The following ACO2 variants were observed in gnomAD, a reference collection of about 807,000 sequenced individuals.
ACO2 encodes the protein aconitate hydratase, mitochondrial.
Under a neutral mutation model 84.5 loss-of-function variants are expected in ACO2, and 31 were observed. The observed-to-expected ratio is 0.37, with a 90% confidence interval of 0.28 to 0.50. ACO2 has a LOEUF of 0.50. Among genes scored for constraint, ACO2 ranks in the 20% least tolerant of loss-of-function variants. The pLI, the probability that ACO2 is intolerant of heterozygous loss-of-function variation, is 0.97. For missense variants in ACO2, 685 were observed against 1,029.3 expected, an observed-to-expected ratio of 0.67 and a Z score of 4.58; for synonymous variants, 414 against 412.7, an observed-to-expected ratio of 1.00 and a Z score of -0.04.
Position 41,527,903 on chromosome 22 carries a change from A to G in ACO2, c.2089A>G (p.Thr697Ala). 1 of 1,614,054 alleles carries G rather than the reference A, an allele frequency of 6.2e-7. No individual in the cohort carries two copies. Among genetic ancestry groups the G allele is most frequent in the East Asian group, 2.2e-5 (1 of 44,876 alleles). ...ITKSFARIHE[T>A]NLKKQGLLPL... ...ACCGAATGCCGCCTGCTTTCCAGAG[A>G]CCAACCTGAAGAAACAGGGCCTGCT... The change falls in exon 17 of 18, where the codon ACC (threonine) becomes GCC (alanine). Residue 697 changes from threonine to alanine, a missense_variant and splice_region_variant. This residue lies in a region of ACO2 where 174 missense variants were observed against 236.6 expected (regional missense o/e 0.74). Coordinates refer to ENST00000216254, the MANE Select transcript of ACO2 (RefSeq NM_001098.3).
At chr22:41,524,513 G>C (rs146530676) in intron 12 of ACO2, among the ~76,000 whole-genome samples, 1 of 152,310 alleles carries the variant, frequency 6.6e-6, no homozygotes, top group Non-Finnish European at 1.5e-5. Context: ...AGTGTCCTGC[G>C]CACTGAGCAG....
At chr22:41,499,617 A>G in intron 1 of ACO2, 109 bp from the exon 2 acceptor site, 1 of 1,225,912 alleles carries the variant, frequency 8.2e-7, no homozygotes, top group Non-Finnish European at 1.1e-6. Flanking sequence ...GTTACTGAAC[A>G]GCTCTTGACA....
At chr22:41,527,136 T>C in intron 15 of ACO2, 152 bp from the exon 16 acceptor site, 3 of 1,154,146 alleles carry the variant, frequency 2.6e-6, no homozygotes, top group South Asian at 2.9e-5. Flanking sequence ...CACTTGCCCT[T>C]AGGCAGCAGG....
Position 41,528,515 on chromosome 22 carries a change from C to T in ACO2, c.2245C>T (p.Gln749Ter). ...CATCATCAAGCACCCCAACGGGACC[C>T]AGGAGACCATCCTCCTGAACCACAC... The part of the protein sequence containing the change: ...KCIIKHPNGT[Q>*]ETILLNHTFN... Residue 749 changes from glutamine (Q) to a stop codon, truncating the protein, a stop_gained, in exon 18 of 18, where the codon CAG (glutamine) becomes TAG (stop). Coordinates refer to ENST00000216254, the MANE Select transcript of ACO2 (RefSeq NM_001098.3). LOFTEE classifies it high-confidence loss of function. 1 of 1,612,782 alleles carries T rather than the reference C, an allele frequency of 6.2e-7. No homozygotes were observed.
At chr22:41,472,326 C>G (rs545636073) in intron 1 of ACO2, among the ~76,000 whole-genome samples, 23 of 150,144 alleles carry the variant, frequency 1.5e-4, no homozygotes, top group African/African-American at 5.7e-4. Context: ...GCACTACAGC[C>G]TGGGTGACAG....
At chr22:41,527,093 G>T in intron 15 of ACO2, 195 bp from the exon 16 acceptor site, 1 of 739,236 alleles carries the variant, frequency 1.4e-6, no homozygotes, top group Non-Finnish European at 2.2e-6. Flanking sequence ...CTGTCCCCTC[G>T]GGGCCTCGTT....
In ACO2 at chr22:41,523,910, C is replaced by G. The variant is rs752989253; in HGVS notation, c.1451C>G (p.Pro484Arg). The G allele has an allele frequency of 6.2e-7, 1 of 1,613,012 alleles. No homozygotes were observed. The highest frequency in any genetic ancestry group is 1.1e-5 in the South Asian group (1 of 91,016). Residue 484 changes from proline (P) to arginine (R), a missense_variant, in exon 12 of 18, where the codon CCC (proline) becomes CGC (arginine). Around this residue, in one of 5 missense-constraint regions of ACO2, gnomAD observed 311 missense variants for 441.6 expected, o/e 0.70. Coordinates refer to ENST00000216254, the MANE Select transcript of ACO2 (RefSeq NM_001098.3). ...RNFTGRNDAN[P>R]ETHAFVTSPE... Reference sequence around the variant, plus strand: ...TTCACGGGCCGCAACGACGCAAACCCCGAGACCCATGCCTTTGTCACGTCC... The same window carrying G: ...TTCACGGGCCGCAACGACGCAAACCGCGAGACCCATGCCTTTGTCACGTCC...
chr22:41,516,037 T>C (rs1251015645), intron 6 of ACO2, 120 bp downstream of exon 6: 1 of 1,360,084 alleles, frequency 7.4e-7, no homozygotes, highest in East Asian at 2.5e-5. Context: ...ATTTGGGGAC[T>C]TGGGATAGAC....
intron 2 of ACO2, among the ~76,000 whole-genome samples, chr22:41,507,363 C>T (rs545860571): frequency 6.6e-6 from 1 of 152,246 alleles, no homozygotes; most frequent in African/African-American, 2.4e-5. Flanking sequence ...CGAAATCTAG[C>T]TGTGAACTTG....
At chr22:41,516,267 G>A (rs1260610831) in intron 6 of ACO2, 32 of 553,472 alleles carry the variant, frequency 5.8e-5, no homozygotes, top group Non-Finnish European at 1.6e-5. Flanking sequence ...CAGAGGCAGT[G>A]GTGGGAATGG....
chr22:41,516,059 G>A, intron 6 of ACO2, 142 bp downstream of exon 6: 1 of 1,027,734 alleles, frequency 9.7e-7, no homozygotes, highest in Non-Finnish European at 1.5e-6. Flanking sequence ...GAGGTAGAAG[G>A]AAAATTGGAG....
rs900719885 is a variant in ACO2 at position 41,528,338 on chromosome 22, T to C, written c.2209-141T>C. 32 of 1,242,990 alleles carry C rather than the reference T, an allele frequency of 2.6e-5. No individual in the cohort carries two copies. The African/African-American group carries it at 4.4e-4, about 17-fold the overall frequency. The allele number at this position is 1,242,990 out of a possible 1,614,324, so 77.0% of individuals were successfully genotyped here. ...TGCCACCTGGGTCTGACCTGGGCCA[T>C]CAGGCACAGACTGGCCTAGGATTTG... On this transcript the variant is annotated intron_variant, in intron 17 of 17. Coordinates refer to ENST00000216254, the MANE Select transcript of ACO2 (RefSeq NM_001098.3).
intron 1 of ACO2, among the ~76,000 whole-genome samples, chr22:41,494,094 CTT>C (rs2066294113): frequency 1.3e-5 from 2 of 152,204 alleles, no homozygotes; most frequent in South Asian, 4.1e-4. Flanking sequence ...GGAACAGACA[CTT>C]TCACATAGTT....
intron 14 of ACO2, 75 bp from the exon 15 acceptor site, chr22:41,526,187 C>A: frequency 7.3e-7 from 1 of 1,371,366 alleles, no homozygotes; most frequent in Non-Finnish European, 9.9e-7. Context: ...GGCCTGCTGC[C>A]TGCCTCTGGA....
intron 1 of ACO2, among the ~76,000 whole-genome samples, chr22:41,473,842 C>T (rs1231698407): frequency 6.6e-6 from 1 of 152,130 alleles, no homozygotes; most frequent in Non-Finnish European, 1.5e-5. Flanking sequence ...TAGGTATGAG[C>T]TGAGTGTGTT....
At chr22:41,484,390 T>TC (rs1247479701) in intron 1 of ACO2, among the ~76,000 whole-genome samples, 14 of 152,108 alleles carry the variant, frequency 9.2e-5, no homozygotes, top group African/African-American at 3.1e-4. Context: ...CCACAAGATA[T>TC]CCTGTACCAG....
At position 41,504,711 on chromosome 22, in the gene ACO2, C is replaced by CTTTTTTTTTTTTTTTTTTTTTTTT. The variant is rs926246283; in HGVS notation, c.174-3073_174-3050dup. ...GCCAGCAGATCCAGCACCTTAGGGA[C>CTTTTTTTTTTTTTTTTTTTTTTTT]TTTTTTTTTTTTTTTTTTTTTTTTT... On this transcript the variant is annotated intron_variant, in intron 2 of 17. Coordinates refer to ENST00000216254, the MANE Select transcript of ACO2 (RefSeq NM_001098.3). 1.0e-4 allele frequency among the ~76,000 whole-genome samples: 5 copies of CTTTTTTTTTTTTTTTTTTTTTTTT among 48,604 alleles called. 2 individuals are homozygous for CTTTTTTTTTTTTTTTTTTTTTTTT. Among genetic ancestry groups the CTTTTTTTTTTTTTTTTTTTTTTTT allele is most frequent in the African/African-American group, 3.1e-4 (4 of 12,910 alleles). The allele number at this position is 48,604 out of a possible 152,430, so 31.9% of individuals were successfully genotyped here. A position where few individuals can be genotyped will look rare whatever the true frequency, so the allele number is the denominator to read the frequency against.
intron 3 of ACO2, 119 bp downstream of exon 3, chr22:41,508,168 C>T: frequency 1.5e-6 from 2 of 1,325,492 alleles, no homozygotes; most frequent in South Asian, 2.9e-5. Context: ...TTGGATTGGT[C>T]TGCTTTTAAA....
At chr22:41,520,553 C>G (rs2066515938) in intron 9 of ACO2, among the ~76,000 whole-genome samples, 1 of 151,682 alleles carries the variant, frequency 6.6e-6, no homozygotes, top group Admixed American at 6.6e-5. Flanking sequence ...AAAGAAAATG[C>G]AAAAATTGGC....
Sources: gnomAD v4.1 joint callset for allele counts (sites outside exome capture counted in the v4.1 genomes callset) on GRCh38, gnomAD v4.1.1 for gene constraint, gnomAD v4.1.1 regional missense constraint, MANE v1.5 for transcripts, NCBI Gene and HGNC (gene_info 2026-07-23, HGNC 2026-07-21) for gene names.